ECT2L: variants seen among roughly 807,000 people sequenced by gnomAD.
ECT2L encodes the protein epithelial cell transforming 2 like.
In ECT2L, 126 loss-of-function variants were observed where a neutral mutation model predicts 122.8. The observed-to-expected ratio is 1.03, with a 90% CI of 0.89 to 1.19. The LOEUF (loss-of-function observed/expected upper bound fraction) is 1.19, where lower values mean the gene tolerates loss of function less well. Among genes scored for constraint, ECT2L ranks in the 50% most tolerant of loss-of-function variants. ECT2L has a pLI of 0.00. For synonymous variants in ECT2L, 385 were observed against 381.8 expected (o/e 1.01, Z -0.10); for missense variants, 1,012 against 1,064.1 (o/e 0.95, Z 0.68).
At chr6:138,810,035 G>A (rs544592399) in intron 1 of ECT2L, among the ~76,000 whole-genome samples, 2 of 152,284 alleles carry the variant, frequency 1.3e-5, no homozygotes, top group East Asian at 3.8e-4. Flanking sequence ...TACCTAATGA[G>A]CTCGTACTTT....
chr6:138,827,263 T>C (rs6917348), intron 4 of ECT2L, among the ~76,000 whole-genome samples: 2,966 of 151,716 alleles, frequency 0.02, 92 homozygotes, highest in African/African-American at 0.067. Flanking sequence ...CAGGAGAATC[T>C]CTTGAATCTG....
rs1779477969 is a variant in ECT2L, at chr6:138,903,486, TAA to T, written c.*863_*864del. ...TTAAAGATATACCACTACAAAGTAC[TAA>T]AAAGTTTTCTATAATTTTTAAGTGT... On this transcript the variant is annotated 3_prime_UTR_variant, in exon 22 of 22. Transcript: ENST00000541398. The T allele has an allele frequency of 2.0e-5, 3 of 152,206 alleles. No individual in the cohort carries two copies. The highest frequency in any genetic ancestry group is 2.0e-4 in the Admixed American group (3 of 15,286). 9.4% of individuals were successfully genotyped at this position (152,206 alleles called of 1,614,324 possible). A position where few individuals can be genotyped will look rare whatever the true frequency, so the allele number is the denominator to read the frequency against.
intron 11 of ECT2L, among the ~76,000 whole-genome samples, chr6:138,863,053 A>G (rs1188748181): frequency 6.6e-6 from 1 of 152,234 alleles, no homozygotes; most frequent in African/African-American, 2.4e-5. Context: ...TATATAGTCA[A>G]TATGGTTTTA....
intron 1 of ECT2L, among the ~76,000 whole-genome samples, chr6:138,800,191 C>T (rs1426795451): frequency 6.6e-6 from 1 of 152,186 alleles, no homozygotes; most frequent in African/African-American, 2.4e-5. Flanking sequence ...TTTACATCAC[C>T]CACACTGGAG....
chr6:138,864,792 A>G (rs1453480435), intron 11 of ECT2L, among the ~76,000 whole-genome samples: 1 of 152,254 alleles, frequency 6.6e-6, no homozygotes, highest in Non-Finnish European at 1.5e-5. Flanking sequence ...GTAGACATGC[A>G]TTTGAAATGA....
At chr6:138,858,753 T>C (rs1777714764) in intron 10 of ECT2L, among the ~76,000 whole-genome samples, 1 of 137,282 alleles carries the variant, frequency 7.3e-6, no homozygotes, top group South Asian at 2.4e-4. Context: ...TTGCCTAGGC[T>C]GGAGTGCAGT....
intron 4 of ECT2L, among the ~76,000 whole-genome samples, chr6:138,819,761 C>A (rs1776207167): frequency 6.6e-6 from 1 of 151,926 alleles, no homozygotes; most frequent in South Asian, 2.1e-4. Flanking sequence ...GTGGCGGGCA[C>A]CTCTAATCCC....
chr6:138,836,037 C>T (rs953655093), intron 4 of ECT2L, among the ~76,000 whole-genome samples: 9 of 151,934 alleles, frequency 5.9e-5, no homozygotes, highest in Admixed American at 1.3e-4. Context: ...GTTATGCCTT[C>T]TTGGCAGGAA....
At chr6:138,807,725 C>A (rs1775758853) in intron 1 of ECT2L, among the ~76,000 whole-genome samples, 1 of 152,040 alleles carries the variant, frequency 6.6e-6, no homozygotes, top group Non-Finnish European at 1.5e-5. Flanking sequence ...TGAGGGTGAG[C>A]TGGGTCCAGC....
intron 1 of ECT2L, among the ~76,000 whole-genome samples, chr6:138,800,702 G>T (rs1030840828): frequency 3.9e-5 from 6 of 152,180 alleles, no homozygotes; most frequent in Non-Finnish European, 7.3e-5. Context: ...TAATAGTGAA[G>T]GAATTTGTTT....
intron 5 of ECT2L, among the ~76,000 whole-genome samples, chr6:138,840,584 G>C (rs552298532): frequency 8.3e-4 from 90 of 108,618 alleles, no homozygotes; most frequent in African/African-American, 2.8e-3. Flanking sequence ...TAGGTTGGCA[G>C]CTAATTTTTT....
In ECT2L at chr6:138,834,937, T is replaced by A. The variant is rs868656300; in HGVS notation, c.180-3415T>A. Among the ~76,000 whole-genome samples, 76 of 102,194 alleles carry A rather than the reference T, an allele frequency of 7.4e-4. No homozygotes were observed. In the East Asian group the frequency reaches 0.017, roughly 23 times the overall value. The allele number at this position is 102,194 out of a possible 152,430, so 67.0% of individuals were successfully genotyped here. ...CACACACACACACACACACACACAC[T>A]CTCATTCTCTCTCTCTGTCTCTTTC... On this transcript the variant is annotated intron_variant, in intron 4 of 21. Transcript: ENST00000541398.
intron 10 of ECT2L, among the ~76,000 whole-genome samples, chr6:138,858,459 T>G (rs1777697347): frequency 6.6e-6 from 1 of 152,130 alleles, no homozygotes; most frequent in Admixed American, 6.5e-5. Flanking sequence ...ATTATTGAAA[T>G]ATAATTAATA....
chr6:138,849,402 A>C lies in ECT2L; in HGVS notation c.1037A>C (p.Asp346Ala). Residue 346 changes from aspartate to alanine, a missense_variant, in exon 9 of 22, where the codon GAT (aspartate) becomes GCT (alanine). Coordinates refer to ENST00000541398, the MANE Select transcript of ECT2L (RefSeq NM_001077706.3). ...GCACAGAGCATCGGAATATTTAGCG[A>C]TGGAGACAGCAGAGAAATCAATTTA... ...QKAQSIGIFS[D>A]GDSREINLLQ... 6.2e-7 allele frequency: 1 copy of C among 1,613,780 alleles called. No individual in the cohort carries two copies. Among genetic ancestry groups the C allele is most frequent in the Non-Finnish European group, 8.5e-7 (1 of 1,179,916 alleles).
chr6:138,813,835 G>T (rs1775982714), intron 3 of ECT2L, among the ~76,000 whole-genome samples: 1 of 152,162 alleles, frequency 6.6e-6, no homozygotes, highest in Non-Finnish European at 1.5e-5. Context: ...GCTCTTGTGA[G>T]TTCAGCCTCA....
At chr6:138,809,442 G>A (rs1207495577) in intron 1 of ECT2L, among the ~76,000 whole-genome samples, 1 of 152,078 alleles carries the variant, frequency 6.6e-6, no homozygotes, top group African/African-American at 2.4e-5. Flanking sequence ...CTCCAGCCTG[G>A]GCAACAGAGC....
intron 20 of ECT2L, among the ~76,000 whole-genome samples, chr6:138,893,277 G>C (rs1230704236): frequency 6.6e-6 from 1 of 150,782 alleles, no homozygotes; most frequent in Non-Finnish European, 1.5e-5. Flanking sequence ...AGGTTGATTA[G>C]GCACTGGTAA....
intron 20 of ECT2L, among the ~76,000 whole-genome samples, chr6:138,894,937 T>C (rs1015472824): frequency 2.0e-5 from 3 of 152,102 alleles, no homozygotes; most frequent in African/African-American, 7.2e-5. Flanking sequence ...TATTATTTGC[T>C]AATAAATTTA....
At chr6:138,822,277 C>T (rs960152934) in intron 4 of ECT2L, among the ~76,000 whole-genome samples, 2 of 152,166 alleles carry the variant, frequency 1.3e-5, no homozygotes, top group East Asian at 1.9e-4. Flanking sequence ...GGAGGCCGGG[C>T]GCAGTGGCTC....
Sources: gnomAD v4.1 joint callset for allele counts (sites outside exome capture counted in the v4.1 genomes callset) on GRCh38, gnomAD v4.1.1 for gene constraint, MANE v1.5 for transcripts, NCBI Gene and HGNC (gene_info 2026-07-23, HGNC 2026-07-21) for gene names.